BOK: variants seen among roughly 807,000 people sequenced by gnomAD.
BOK encodes BCL2 family apoptosis regulator BOK.
BOK carries 20 observed loss-of-function variants against 18.3 expected under a neutral mutation model. The observed-to-expected ratio is 1.09, with a 90% CI of 0.77 to 1.59. The LOEUF is 1.59. BOK is among the 40% of genes most tolerant of loss of function. The pLI is 0.00. For synonymous variants in BOK, 173 were observed against 142.4 expected (o/e 1.21, Z -1.53); for missense variants, 348 against 307.9 (o/e 1.13, Z -0.97).
At chr2:241,563,902 TCTCG>T (rs2066569735) in intron 3 of BOK, among the ~76,000 whole-genome samples, 1 of 152,004 alleles carries the variant, frequency 6.6e-6, no homozygotes, top group Non-Finnish European at 1.5e-5. Flanking sequence ...GACCACTGCC[TCTCG>T]CTCAGGCAGA....
At chr2:241,560,756 A>T (rs2066516020) in intron 2 of BOK, among the ~76,000 whole-genome samples, 1 of 152,128 alleles carries the variant, frequency 6.6e-6, no homozygotes, top group African/African-American at 2.4e-5. Flanking sequence ...TGCTGCCTCT[A>T]GTCGGGCTCT....
intron 4 of BOK, among the ~76,000 whole-genome samples, chr2:241,571,576 C>T (rs1251752337): frequency 6.6e-6 from 1 of 152,190 alleles, no homozygotes; most frequent in Non-Finnish European, 1.5e-5. Context: ...AGGTGTCCCT[C>T]AGCACAGAAA....
chr2:241,570,052 G>A (rs556447774), intron 3 of BOK, 73 bp from the exon 4 acceptor site: 3 of 1,517,632 alleles, frequency 2.0e-6, no homozygotes, highest in African/African-American at 1.4e-5. Flanking sequence ...GGCTCAGAGA[G>A]GCCCAGCCCC....
At chr2:241,552,348 C>A (rs932000648) in intron 1 of BOK, among the ~76,000 whole-genome samples, 4 of 152,310 alleles carry the variant, frequency 2.6e-5, no homozygotes, top group Middle Eastern at 3.4e-3. Context: ...GCCCTGCACT[C>A]CAGAGGCTTC....
chr2:241,566,077 G>A (rs905448427), intron 3 of BOK, among the ~76,000 whole-genome samples: 3 of 151,992 alleles, frequency 2.0e-5, no homozygotes, highest in African/African-American at 7.2e-5. Context: ...CTGAGGTCGG[G>A]AGTTTGAGAC....
rs541674847 is a variant in BOK, at chr2:241,562,335, T to G, written c.221-13T>G. ...ACGTGGGCTGCCTCTCACCTGCTCT[T>G]GTGACCACACAGGCGATGAGCTGGA... On this transcript the variant is annotated splice_polypyrimidine_tract_variant and intron_variant, in intron 2 of 4. Transcript: ENST00000318407. The surrounding 1 kb of genome is among the most constrained non-coding windows in gnomAD (Gnocchi z 4.5). The G allele has an allele frequency of 6.3e-7, 1 of 1,589,488 alleles. No homozygotes were observed. Among genetic ancestry groups the G allele is most frequent in the Admixed American group, 1.7e-5 (1 of 58,122 alleles).
intron 3 of BOK, among the ~76,000 whole-genome samples, chr2:241,569,348 C>A (rs58411874): frequency 6.6e-6 from 1 of 152,062 alleles, no homozygotes; most frequent in African/African-American, 2.4e-5. Context: ...GGTCAGGCTG[C>A]TCTTGAACTC....
At chr2:241,558,466 T>A (rs1440291666), upstream of BOK, among the ~76,000 whole-genome samples, 1 of 152,214 alleles carries the variant, frequency 6.6e-6, no homozygotes, top group African/African-American at 2.4e-5. Context: ...AGGGCATGCG[T>A]CCGGACCAAG....
chr2:241,562,414 T>G lies in BOK; in HGVS notation c.287T>G (p.Leu96Arg). Residue 96 changes from leucine to arginine, a missense_variant, in exon 3 of 5, where the codon CTG (leucine) becomes CGG (arginine). Coordinates refer to ENST00000318407, the MANE Select transcript of BOK (RefSeq NM_032515.5). The surrounding 1 kb of genome is among the most constrained non-coding windows in gnomAD (Gnocchi z 4.5). ...GTGGCGCGTCAGCTGCACATCTCCCTGCAGTCTGAGCCTGTGGTGACCGAT... is the reference window on the plus strand; with the variant it reads ...GTGGCGCGTCAGCTGCACATCTCCCGGCAGTCTGAGCCTGTGGTGACCGAT... Reference protein sequence around the residue: ...RNVARQLHISLQSEPVVTDAF... With the variant: ...RNVARQLHISRQSEPVVTDAF... 1.2e-6 allele frequency: 2 copies of G among 1,612,366 alleles called. No homozygotes were observed. The highest frequency in any genetic ancestry group is 1.7e-4 in the Middle Eastern group (1 of 6,054).
intron 3 of BOK, among the ~76,000 whole-genome samples, chr2:241,565,678 G>A (rs2066599775): frequency 6.6e-6 from 1 of 152,182 alleles, no homozygotes; most frequent in South Asian, 2.1e-4. Flanking sequence ...TCAGGGCTGG[G>A]GCCTTGGCTA....
chr2:241,561,968 G>A (rs1266015876), intron 2 of BOK, among the ~76,000 whole-genome samples: 1 of 152,218 alleles, frequency 6.6e-6, no homozygotes, highest in Non-Finnish European at 1.5e-5. Flanking sequence ...TCGGGGTCTG[G>A]CCGTCTGCCT....
chr2:241,558,916 G>A lies in BOK; in HGVS notation c.-107G>A, dbSNP rs1559198891. 1 of 151,858 alleles carries A rather than the reference G, an allele frequency of 6.6e-6. No individual in the cohort carries two copies. Among genetic ancestry groups the A allele is most frequent in the Non-Finnish European group, 1.5e-5 (1 of 67,922 alleles). The allele number at this position is 151,858 out of a possible 1,614,324, so 9.4% of individuals were successfully genotyped here. A position where few individuals can be genotyped will look rare whatever the true frequency, so the allele number is the denominator to read the frequency against. ...GCGTCCTCGCGGGTCTGAATGGAAG[G>A]GTCGAGGTCGTCGTCGGCGGCGAGC... On this transcript the variant is annotated 5_prime_UTR_variant, in exon 1 of 5. Coordinates refer to ENST00000318407, the MANE Select transcript of BOK (RefSeq NM_032515.5).
At position 241,572,489 on chromosome 2, in the gene BOK, AAC is replaced by A; in HGVS notation, c.*71_*72del. ...CAACGCAGGAGGCCCTCAGCACCCG[AAC>A]ACATCTTCCTCCTCCCCACCCGAGC... On this transcript the variant is annotated 3_prime_UTR_variant, in exon 5 of 5. Coordinates refer to ENST00000318407, the MANE Select transcript of BOK (RefSeq NM_032515.5). 4 of 1,543,154 alleles carry A rather than the reference AAC, an allele frequency of 2.6e-6. No homozygotes were observed. Among genetic ancestry groups the A allele is most frequent in the Non-Finnish European group, 3.5e-6 (4 of 1,149,136 alleles).
rs924926834 is a variant in BOK, at chr2:241,572,935, T to C, written c.*513T>C. On this transcript the variant is annotated 3_prime_UTR_variant, in exon 5 of 5. Coordinates refer to ENST00000318407, the MANE Select transcript of BOK (RefSeq NM_032515.5). ...CACCTGCTCTCACCTGAGCCCCAGG[T>C]GAAGGGGCCCGGGAACACCTGCTCT... 1.0e-5 allele frequency: 1 copy of C among 98,330 alleles called. No homozygotes were observed. Among genetic ancestry groups the C allele is most frequent in the Non-Finnish European group, 2.0e-5 (1 of 50,142 alleles). The allele number at this position is 98,330 out of a possible 1,614,324, so 6.1% of individuals were successfully genotyped here.
chr2:241,560,088 C>A (rs2066504572), intron 2 of BOK: 1 of 985,356 alleles, frequency 1.0e-6, no homozygotes, highest in Non-Finnish European at 1.2e-6. Context: ...CTGTTACTGG[C>A]CGAGATCCCG....
intron 2 of BOK, chr2:241,560,131 G>T: frequency 2.0e-6 from 2 of 985,360 alleles, no homozygotes; most frequent in South Asian, 9.4e-5. Context: ...GGCCTCCGAG[G>T]CCCCCCCATT....
At chr2:241,569,289 G>A (rs534877742) in intron 3 of BOK, among the ~76,000 whole-genome samples, 4 of 148,110 alleles carry the variant, frequency 2.7e-5, no homozygotes, top group South Asian at 2.2e-4. Flanking sequence ...GTGCCACCAC[G>A]CCTGGCTAAT....
Position 241,562,750 on chromosome 2 carries a change from C to G in BOK, c.349+274C>G, listed in dbSNP as rs987633252. On this transcript the variant is annotated intron_variant, in intron 3 of 4. Coordinates refer to ENST00000318407, the MANE Select transcript of BOK (RefSeq NM_032515.5). This position sits in a 1 kb window ranked among gnomAD's most constrained non-coding sequence, Gnocchi z 4.5. Reference sequence around the variant, plus strand: ...TTGGTTGTAGTTGTGGTCCAGCATCCGTGGGGCCGCGTGACCTGCAGTCCT... The same window carrying G: ...TTGGTTGTAGTTGTGGTCCAGCATCGGTGGGGCCGCGTGACCTGCAGTCCT... 2.6e-5 allele frequency among the ~76,000 whole-genome samples: 4 copies of G among 152,290 alleles called. No homozygotes were observed. Among genetic ancestry groups the G allele is most frequent in the Admixed American group, 2.6e-4 (4 of 15,300 alleles).
upstream of BOK, among the ~76,000 whole-genome samples, chr2:241,554,314 G>A (rs915180886): frequency 7.3e-6 from 1 of 136,328 alleles, no homozygotes; most frequent in Non-Finnish European, 1.6e-5. Context: ...TGGCTAGGCT[G>A]GGAGAATCCC....
Sources: allele counts gnomAD v4.1 joint callset (sites outside exome capture counted in the v4.1 genomes callset), GRCh38; gene constraint gnomAD v4.1.1; non-coding constraint Gnocchi (gnomAD v3.1); transcripts MANE v1.5; gene names NCBI Gene and HGNC (gene_info 2026-07-23, HGNC 2026-07-21).